Variants in PCDHA2 observed in about 807,000 individuals in gnomAD.
PCDHA2 encodes protocadherin alpha 2.
PCDHA2 carries 58 observed loss-of-function variants against 66.0 expected under a neutral mutation model. The ratio of observed to expected loss-of-function variants is 0.88; its 90% confidence interval spans 0.71 to 1.09. The LOEUF is 1.09. Among genes scored for constraint, PCDHA2 ranks in the 50% least tolerant of loss-of-function variants. PCDHA2 has a pLI of 0.00. For missense variants in PCDHA2, 1,267 were observed against 1,242.3 expected, an observed-to-expected ratio of 1.02 and a Z score of -0.30; for synonymous variants, 634 against 554.0, an observed-to-expected ratio of 1.14 and a Z score of -2.03.
chr5:140,823,985 C>T, intron 1 of PCDHA2: 1 of 1,614,170 alleles, frequency 6.2e-7, no homozygotes, highest in Non-Finnish European at 8.5e-7. Flanking sequence ...GGCAAGCCCA[C>T]TCTGTTGTGC....
At chr5:140,856,112 GCC>G (rs2043785671) in intron 1 of PCDHA2, 1 of 1,598,078 alleles carries the variant, frequency 6.3e-7, no homozygotes, top group Non-Finnish European at 8.6e-7. Context: ...TCTCCTCGCA[GCC>G]TGGGAGGTGG....
intron 1 of PCDHA2, among the ~76,000 whole-genome samples, chr5:140,821,231 G>T (rs887712288): frequency 6.6e-6 from 1 of 152,070 alleles, no homozygotes; most frequent in Non-Finnish European, 1.5e-5. Context: ...ATAGAGATGA[G>T]AAAAGTCAAA....
chr5:140,886,996 T>C (rs1554182808), intron 1 of PCDHA2, among the ~76,000 whole-genome samples: 1 of 152,182 alleles, frequency 6.6e-6, no homozygotes, highest in African/African-American at 2.4e-5. Flanking sequence ...AATTTCCAGT[T>C]GGTATCACTT....
intron 1 of PCDHA2, chr5:140,803,569 T>C (rs898664223): frequency 1.2e-6 from 2 of 1,614,248 alleles, no homozygotes; most frequent in Non-Finnish European, 8.5e-7. Flanking sequence ...AAACAGGATG[T>C]GGACGTTGAT....
intron 1 of PCDHA2, chr5:140,822,655 A>T (rs2150118230): frequency 1.2e-6 from 2 of 1,608,946 alleles, no homozygotes; most frequent in East Asian, 4.5e-5. Context: ...CAAATTTATA[A>T]TTAATTCTAA....
At chr5:140,961,176 C>A (rs782677581) in intron 1 of PCDHA2, among the ~76,000 whole-genome samples, 16 of 152,182 alleles carry the variant, frequency 1.1e-4, no homozygotes, top group Admixed American at 2.0e-4. Context: ...ACCTTATGTA[C>A]TCCTCACAGG....
intron 1 of PCDHA2, among the ~76,000 whole-genome samples, chr5:140,959,145 A>C (rs2095470775): frequency 6.6e-6 from 1 of 152,030 alleles, no homozygotes; most frequent in Non-Finnish European, 1.5e-5. Flanking sequence ...GGGAGGCCAA[A>C]GTGGGCAGAT....
chr5:140,888,287 C>T (rs1371852276), intron 1 of PCDHA2, among the ~76,000 whole-genome samples: 1 of 152,072 alleles, frequency 6.6e-6, no homozygotes, highest in African/African-American at 2.4e-5. Flanking sequence ...CCCCTCTACC[C>T]CCTACCCAGG....
chr5:140,863,123 GCCACCGCCTGCTGGTGCTGGTGAAGGA>G, intron 1 of PCDHA2: 1 of 593,078 alleles, frequency 1.7e-6, no homozygotes, highest in Non-Finnish European at 3.3e-6. Context: ...AAAGCTACGC[GCCACCGCCTGCTGGTGCTGGTGAAGGA>G]CCACTGCGAG....
intron 1 of PCDHA2, chr5:140,842,447 G>C (rs200777298): frequency 6.2e-7 from 1 of 1,613,790 alleles, no homozygotes; most frequent in Non-Finnish European, 8.5e-7. Context: ...TAGCGTGAAC[G>C]ACCTCGATTC....
At chr5:140,942,913 G>T (rs1467978300) in intron 1 of PCDHA2, among the ~76,000 whole-genome samples, 1 of 148,868 alleles carries the variant, frequency 6.7e-6, no homozygotes, top group South Asian at 2.1e-4. Flanking sequence ...TAAGCGTGAA[G>T]AAAAAAAAAA....
At chr5:140,883,474 G>C in intron 1 of PCDHA2, 1 of 1,614,126 alleles carries the variant, frequency 6.2e-7, no homozygotes, top group Middle Eastern at 1.7e-4. Flanking sequence ...CCACCTACAA[G>C]AACTACTACT....
chr5:140,927,453 G>T, intron 1 of PCDHA2: 3 of 1,614,168 alleles, frequency 1.9e-6, no homozygotes, highest in Non-Finnish European at 2.5e-6. Context: ...AGTTGGTGTT[G>T]GAGAAAGCAC....
chr5:140,834,516 G>C (rs1433865569), intron 1 of PCDHA2: 40 of 1,613,992 alleles, frequency 2.5e-5, no homozygotes, highest in Non-Finnish European at 3.4e-5. Flanking sequence ...TGGCAACTTC[G>C]TGGGCCGCAT....
intron 1 of PCDHA2, chr5:140,927,568 A>G: frequency 1.9e-6 from 3 of 1,614,174 alleles, no homozygotes; most frequent in Non-Finnish European, 2.5e-6. Context: ...TGTGGTGGAC[A>G]CAAATGACAA....
chr5:140,849,396 G>A (rs1554142933), intron 1 of PCDHA2: 1 of 1,544,756 alleles, frequency 6.5e-7, no homozygotes, highest in Non-Finnish European at 8.8e-7. Context: ...CTTAAGTGGG[G>A]CAATCACAGT....
At chr5:140,896,661 G>A (rs553525837) in intron 1 of PCDHA2, among the ~76,000 whole-genome samples, 1 of 152,220 alleles carries the variant, frequency 6.6e-6, no homozygotes. Context: ...ACAGGCATGA[G>A]TCACTGTGCC....
intron 1 of PCDHA2, among the ~76,000 whole-genome samples, chr5:140,880,565 A>T (rs1554171321): frequency 6.6e-6 from 1 of 152,206 alleles, no homozygotes; most frequent in Non-Finnish European, 1.5e-5. Flanking sequence ...TGAGGTTGAG[A>T]ATTTGAGAAG....
Position 140,969,604 on chromosome 5 carries a change from AAC to A in PCDHA2, c.2389-9341_2389-9340del. 5.2e-6 allele frequency: 4 copies of A among 765,156 alleles called. No homozygotes were observed. The South Asian group carries it at 6.3e-5, about 12-fold the overall frequency. 47.4% of individuals were successfully genotyped at this position (765,156 alleles called of 1,614,324 possible). A position where few individuals can be genotyped will look rare whatever the true frequency, so the allele number is the denominator to read the frequency against. On this transcript the variant is annotated intron_variant, in intron 1 of 3. Transcript: ENST00000526136. Reference sequence around the variant, plus strand: ...GATTAGTCTTAATATTTAATGCTAAAACACAGATTTGTAGAGAAACAGGACAG... The same window carrying A: ...GATTAGTCTTAATATTTAATGCTAAAACAGATTTGTAGAGAAACAGGACAG...
Sources: allele counts gnomAD v4.1 joint callset (sites outside exome capture counted in the v4.1 genomes callset), GRCh38; gene constraint gnomAD v4.1.1; transcripts MANE v1.5; gene names NCBI Gene and HGNC (gene_info 2026-07-23, HGNC 2026-07-21).